Variants in CHADL observed in about 807,000 individuals in gnomAD.
CHADL encodes the protein chondroadherin-like protein.
A neutral mutation model predicts 52.1 loss-of-function variants in CHADL; 48 were observed. The ratio of observed to expected loss-of-function variants is 0.92; its 90% CI spans 0.73 to 1.17. The LOEUF (loss-of-function observed/expected upper bound fraction) is 1.17. Among genes scored for constraint, CHADL ranks in the 50% most tolerant of loss-of-function variants. The probability of loss-of-function intolerance (pLI) is 0.00; values close to 1 mark genes in which losing one functional copy is unlikely to be tolerated. For missense variants in CHADL, 977 were observed against 1,035.1 expected (o/e 0.94, Z 0.77); for synonymous variants, 498 against 511.2 (o/e 0.97, Z 0.35).
chr22:41,238,702 C>G lies in CHADL; in HGVS notation c.370G>C (p.Glu124Gln), dbSNP rs775903162. 1.1e-5 allele frequency: 17 copies of G among 1,547,106 alleles called. No individual in the cohort carries two copies. In the African/African-American group the frequency reaches 2.3e-4, roughly 21 times the overall value. The part of the protein sequence containing the change: ...LLNLASNHLR[E>Q]LPQEALDGLG... Reference sequence around the variant, plus strand: ...CCGTCCAGCGCCTCCTGGGGCAGCTCACGCAGGTGGTTGGAGGCCAGGTTG... The same window carrying G: ...CCGTCCAGCGCCTCCTGGGGCAGCTGACGCAGGTGGTTGGAGGCCAGGTTG... Residue 124 changes from glutamate (E) to glutamine (Q), a missense_variant, in exon 3 of 6, where the codon GAG becomes CAG. Coordinates refer to ENST00000216241, the MANE Select transcript of CHADL (RefSeq NM_138481.2). This position sits in a 1 kb window ranked among gnomAD's most constrained non-coding sequence, Gnocchi z 4.9.
rs1049614089 is a variant in CHADL at position 41,238,926 on chromosome 22, G to A, written c.187-41C>T. On this transcript the variant is annotated intron_variant, in intron 2 of 5. Transcript: ENST00000216241. The surrounding 1 kb of genome is among the most constrained non-coding windows in gnomAD (Gnocchi z 4.9). The stretch of plus-strand genomic sequence containing the variant: ...AGAAAGTGGGGCTGAGCCAGGCAGG[G>A]ACCCCGCCTTTGCAAGTGCTGCTTC... 1.8e-5 allele frequency: 27 copies of A among 1,487,580 alleles called. No individual in the cohort carries two copies. The East Asian group carries it at 6.2e-4, about 34-fold the overall frequency. 92.1% of individuals were successfully genotyped at this position (1,487,580 alleles called of 1,614,324 possible). A position where few individuals can be genotyped will look rare whatever the true frequency, so the allele number is the denominator to read the frequency against.
intron 5 of CHADL, chr22:41,230,189 A>G (rs1460192892): frequency 3.8e-6 from 6 of 1,598,518 alleles, no homozygotes; most frequent in Non-Finnish European, 5.1e-6. Flanking sequence ...CTCGCCCGAC[A>G]AGGCTTCAAG....
Position 41,238,398 on chromosome 22 carries a change from A to T in CHADL, c.674T>A (p.Val225Asp). The change falls in exon 3 of 6, where the codon GTC becomes GAC. Residue 225 changes from valine (V) to aspartate (D), a missense_variant. Transcript: ENST00000216241. The surrounding 1 kb of genome is among the most constrained non-coding windows in gnomAD (Gnocchi z 4.9). ...HNELQALPGP[V>D]LSQARGLARL... ...GGCCAGGCCGCGGGCCTGGGACAAG[A>T]CAGGCCCGGGCAGAGCCTGGAGCTC... is the stretch of plus-strand genomic sequence containing the variant. 1 of 1,510,112 alleles carries T rather than the reference A, an allele frequency of 6.6e-7. No individual in the cohort carries two copies. The allele number at this position is 1,510,112 out of a possible 1,614,324, so 93.5% of individuals were successfully genotyped here. A position where few individuals can be genotyped will look rare whatever the true frequency, so the allele number is the denominator to read the frequency against.
chr22:41,229,726 C>G lies in CHADL; in HGVS notation c.2267G>C (p.Gly756Ala). 3.1e-6 allele frequency: 5 copies of G among 1,611,692 alleles called. No homozygotes were observed. The highest frequency in any genetic ancestry group is 4.2e-6 in the Non-Finnish European group (5 of 1,179,658). The stretch of plus-strand genomic sequence containing the variant: ...TGCTCAGAGACGACCCTTCTCCTTC[C>G]CCACCTGGGCACAGAAGAGTAGAGT... ...KGRQCGADKV[G>A]KEKGRL Residue 756 changes from glycine to alanine, a missense_variant, in exon 6 of 6, where the codon GGG becomes GCG. Physicochemically the swap from Gly to Ala is moderately conservative, Grantham distance 60. Coordinates refer to ENST00000216241, the MANE Select transcript of CHADL (RefSeq NM_138481.2).
rs919766035 is a variant in CHADL at position 41,236,753 on chromosome 22, G to A, written c.1897-103C>T. 52 of 1,196,286 alleles carry A rather than the reference G, an allele frequency of 4.3e-5. No homozygotes were observed. In the East Asian group the frequency reaches 8.7e-4, roughly 20 times the overall value. The allele number at this position is 1,196,286 out of a possible 1,614,324, so 74.1% of individuals were successfully genotyped here. On this transcript the variant is annotated intron_variant, in intron 3 of 5. Coordinates refer to ENST00000216241, the MANE Select transcript of CHADL (RefSeq NM_138481.2). Reference sequence around the variant, plus strand: ...TTCCCTCAGCAGAAGAGAAGCTGGAGAGCCCAAGCTGGTCCAGCCAGGAAG... The same window carrying A: ...TTCCCTCAGCAGAAGAGAAGCTGGAAAGCCCAAGCTGGTCCAGCCAGGAAG...
chr22:41,240,733 G>A, intron 1 of CHADL, 141 bp downstream of exon 1: 1 of 956,520 alleles, frequency 1.0e-6, no homozygotes, highest in South Asian at 1.5e-5. Flanking sequence ...CACCTTGGGA[G>A]ACCCCCTTCC....
At chr22:41,234,602 G>A (rs1214644876) in intron 5 of CHADL, among the ~76,000 whole-genome samples, 2 of 150,602 alleles carry the variant, frequency 1.3e-5, no homozygotes, top group Non-Finnish European at 2.9e-5. Context: ...CGCCCAGGCT[G>A]GAGTGCAGTG....
intron 5 of CHADL, 51 bp from the exon 6 acceptor site, chr22:41,229,781 A>T: frequency 6.6e-7 from 1 of 1,512,680 alleles, no homozygotes; most frequent in South Asian, 1.2e-5. Context: ...CTGGGCACCA[A>T]GCAGTCCTGT....
chr22:41,235,851 G>A (rs1024596099), intron 4 of CHADL, among the ~76,000 whole-genome samples: 2 of 152,098 alleles, frequency 1.3e-5, no homozygotes, highest in African/African-American at 4.8e-5. Flanking sequence ...GCCCAGGTCT[G>A]CAGGACTCCA....
chr22:41,239,790 G>T (rs577121002), intron 1 of CHADL, among the ~76,000 whole-genome samples, 170 bp from the exon 2 acceptor site: 2 of 152,138 alleles, frequency 1.3e-5, no homozygotes, highest in Non-Finnish European at 2.9e-5. Flanking sequence ...CACCCCCCAC[G>T]CAGTGGAGGT....
chr22:41,239,000 A>G lies in CHADL; in HGVS notation c.187-115T>C. The G allele has an allele frequency of 7.4e-7, 1 of 1,344,114 alleles. No homozygotes were observed. The highest frequency in any genetic ancestry group is 9.9e-7 in the Non-Finnish European group (1 of 1,012,294). 83.3% of individuals were successfully genotyped at this position (1,344,114 alleles called of 1,614,324 possible). On this transcript the variant is annotated intron_variant, in intron 2 of 5. Coordinates refer to ENST00000216241, the MANE Select transcript of CHADL (RefSeq NM_138481.2). The surrounding 1 kb of genome is among the most constrained non-coding windows in gnomAD (Gnocchi z 4.9). The stretch of plus-strand genomic sequence containing the variant: ...TGTCACCTTTCCCATATTTCTCTTC[A>G]TCCGACCCCTGACACCTCCTCCAGG...
rs1940300360 is a variant in CHADL, at chr22:41,230,985, A to C, written c.2263-1255T>G. ...TGGGAGGAAGATGGCCTGAGTGTGC[A>C]CTTTGGCTCTGCTACCTGCTCCTGA... On this transcript the variant is annotated intron_variant, in intron 5 of 5. Coordinates refer to ENST00000216241, the MANE Select transcript of CHADL (RefSeq NM_138481.2). The C allele has an allele frequency of 2.6e-5, 4 of 152,326 alleles. No homozygotes were observed. The South Asian group carries it at 6.2e-4, about 24-fold the overall frequency. 9.4% of individuals were successfully genotyped at this position (152,326 alleles called of 1,614,324 possible).
Position 41,238,073 on chromosome 22 carries a change from G to T in CHADL, c.999C>A (p.Asp333Glu). The change falls in exon 3 of 6, where the codon GAC (aspartate) becomes GAA (glutamate). Residue 333 changes from aspartate (D) to glutamate (E), a missense_variant. Asp to Glu is a conservative substitution (Grantham distance 45). Coordinates refer to ENST00000216241, the MANE Select transcript of CHADL (RefSeq NM_138481.2). The surrounding 1 kb of genome is among the most constrained non-coding windows in gnomAD (Gnocchi z 4.9). ...EWLARARVRS[D>E]GACQGPRRLR... ...GGCGCCGCGGCCCCTGGCACGCGCC[G>T]TCCGAGCGCACGCGCGCCCGCGCCA... 7.8e-7 allele frequency: 1 copy of T among 1,282,366 alleles called. No individual in the cohort carries two copies. The highest frequency in any genetic ancestry group is 3.2e-5 in the East Asian group (1 of 31,052). The allele number at this position is 1,282,366 out of a possible 1,614,324, so 79.4% of individuals were successfully genotyped here. A position where few individuals can be genotyped will look rare whatever the true frequency, so the allele number is the denominator to read the frequency against.
rs1045554218 is a variant in CHADL, at chr22:41,238,668, G to C, written c.404C>G (p.Ser135Trp). Residue 135 changes from serine to tryptophan, a missense_variant, in exon 3 of 6, where the codon TCG (serine) becomes TGG (tryptophan). Coordinates refer to ENST00000216241, the MANE Select transcript of CHADL (RefSeq NM_138481.2). This position sits in a 1 kb window ranked among gnomAD's most constrained non-coding sequence, Gnocchi z 4.9. Reference sequence around the variant, plus strand: ...CCCCTCCAGCTCCAGCCGCCGCAACGAGCCCAGCCCGTCCAGCGCCTCCTG... The same window carrying C: ...CCCCTCCAGCTCCAGCCGCCGCAACCAGCCCAGCCCGTCCAGCGCCTCCTG... ...LPQEALDGLG[S>W]LRRLELEGNA... is the part of the protein sequence containing the mutation. 6 of 1,544,788 alleles carry C rather than the reference G, an allele frequency of 3.9e-6. No homozygotes were observed. Among genetic ancestry groups the C allele is most frequent in the South Asian group, 2.4e-5 (2 of 83,940 alleles).
At chr22:41,240,723 C>T (rs2032847185) in intron 1 of CHADL, 151 bp downstream of exon 1, 1 of 865,900 alleles carries the variant, frequency 1.2e-6, no homozygotes. Flanking sequence ...TCTCAGAGCC[C>T]ACCTTGGGAG....
Position 41,237,992 on chromosome 22 carries a change from G to A in CHADL, c.1080C>T (p.Asp360=). The A allele has an allele frequency of 7.9e-7, 1 of 1,259,730 alleles. No individual in the cohort carries two copies. The allele number at this position is 1,259,730 out of a possible 1,614,324, so 78.0% of individuals were successfully genotyped here. A position where few individuals can be genotyped will look rare whatever the true frequency, so the allele number is the denominator to read the frequency against. ...CCAGCTCTTCCTCTTCCTGCGCCGC[G>A]TCCCCAGGGCAGCGCAGGTCCCAGG... The part of the protein sequence containing the change: ...LRPWDLRCPG[D]AAQEEEELEE... Residue 360 remains aspartate (D), a synonymous_variant, in exon 3 of 6, where the codon GAC becomes GAT. Transcript: ENST00000216241.
At chr22:41,233,587 T>C (rs897569249) in intron 5 of CHADL, among the ~76,000 whole-genome samples, 3 of 152,296 alleles carry the variant, frequency 2.0e-5, no homozygotes, top group African/African-American at 7.2e-5. Flanking sequence ...AGGGAGCACC[T>C]GGGGCCACCA....
intron 5 of CHADL, chr22:41,230,182 G>GAACTTT: frequency 6.3e-7 from 1 of 1,578,346 alleles, no homozygotes; most frequent in Non-Finnish European, 8.6e-7. Flanking sequence ...ACGTGGCCTC[G>GAACTTT]CCCGACAAGG....
chr22:41,231,950 A>C (rs992811721), intron 5 of CHADL, among the ~76,000 whole-genome samples: 2 of 152,222 alleles, frequency 1.3e-5, no homozygotes, highest in African/African-American at 4.8e-5. Context: ...ATAGGTATCT[A>C]AATGGCTCAT....
Sources: gnomAD v4.1 joint callset for allele counts (sites outside exome capture counted in the v4.1 genomes callset) on GRCh38, gnomAD v4.1.1 for gene constraint, Gnocchi (gnomAD v3.1) non-coding constraint, MANE v1.5 for transcripts, NCBI Gene and HGNC (gene_info 2026-07-23, HGNC 2026-07-21) for gene names.